The following SLC12A4 variants were observed in gnomAD, a reference collection of about 807,000 sequenced individuals.
SLC12A4 encodes solute carrier family 12 member 4, also known as electroneutral potassium-chloride cotransporter 1.
A neutral mutation model predicts 119.2 loss-of-function variants in SLC12A4; 84 were observed. The observed-to-expected ratio is 0.70, with a 90% CI of 0.59 to 0.85. SLC12A4 has a LOEUF of 0.85. Ranked by LOEUF, SLC12A4 falls within the 40% of genes least tolerant of loss-of-function variation. SLC12A4 has a pLI of 0.00. For synonymous variants in SLC12A4, 599 were observed against 604.6 expected, an observed-to-expected ratio of 0.99 and a Z score of 0.14; for missense variants, 1,298 against 1,476.3, an observed-to-expected ratio of 0.88 and a Z score of 1.98.
chr16:67,960,340 C>T (rs1453145411), intron 3 of SLC12A4, among the ~76,000 whole-genome samples: 6 of 152,210 alleles, frequency 3.9e-5, no homozygotes, highest in Admixed American at 6.5e-5. Context: ...CATGGCCAGA[C>T]GCAGTTAGGG....
intron 6 of SLC12A4, chr16:67,954,172 C>A: frequency 2.5e-6 from 1 of 399,294 alleles, no homozygotes; most frequent in Non-Finnish European, 5.0e-6. Context: ...TCCCATGGGG[C>A]TCGTGGAGGG....
At position 67,968,471 on chromosome 16, in the gene SLC12A4, T is replaced by A; in HGVS notation, c.83A>T (p.Tyr28Phe). 6.3e-7 allele frequency: 1 copy of A among 1,583,820 alleles called. No individual in the cohort carries two copies. The highest frequency in any genetic ancestry group is 2.4e-5 in the East Asian group (1 of 42,102). ...GTCATCCAGCTCGGCGCGCTCCCCG[T>A]AGTCCACCCAACTGAGCCCCTCGAG... Reference protein sequence around the residue: ...DNLEGLSWVDYGERAELDDSD... With the variant: ...DNLEGLSWVDFGERAELDDSD... Residue 28 changes from tyrosine (Y) to phenylalanine (F), a missense_variant, in exon 1 of 24, where the codon TAC (tyrosine) becomes TTC (phenylalanine). Transcript: ENST00000316341.
intron 5 of SLC12A4, 66 bp downstream of exon 5, chr16:67,957,676 C>T: frequency 6.3e-7 from 1 of 1,592,326 alleles, no homozygotes; most frequent in South Asian, 1.1e-5. Flanking sequence ...TGGGGGTTCC[C>T]AGGTAGGTCA....
rs2029913634 is a variant in SLC12A4 at position 67,951,680 on chromosome 16, C to A, written c.1132+143G>T. ...TCACTCCAAACTCGGCTGCCAGGAGCCAGGCTGGGAGGACACTGGGGGGCT... is the reference window on the plus strand; with the variant it reads ...TCACTCCAAACTCGGCTGCCAGGAGACAGGCTGGGAGGACACTGGGGGGCT... On this transcript the variant is annotated intron_variant, in intron 8 of 23. Transcript: ENST00000316341. This position sits in a 1 kb window ranked among gnomAD's most constrained non-coding sequence, Gnocchi z 5.2. 2 of 768,820 alleles carry A rather than the reference C, an allele frequency of 2.6e-6. No homozygotes were observed. Among genetic ancestry groups the A allele is most frequent in the Non-Finnish European group, 4.1e-6 (2 of 482,910 alleles). 47.6% of individuals were successfully genotyped at this position (768,820 alleles called of 1,614,324 possible). A position where few individuals can be genotyped will look rare whatever the true frequency, so the allele number is the denominator to read the frequency against.
chr16:67,957,209 G>A (rs1283866634), intron 5 of SLC12A4, among the ~76,000 whole-genome samples: 2 of 143,644 alleles, frequency 1.4e-5, no homozygotes, highest in Non-Finnish European at 3.0e-5. Context: ...TCGCTCTGTC[G>A]CCCAGGCTGG....
chr16:67,959,405 G>T (rs1048749747), intron 3 of SLC12A4, among the ~76,000 whole-genome samples: 1 of 152,200 alleles, frequency 6.6e-6, no homozygotes, highest in South Asian at 2.1e-4. Flanking sequence ...TGCCCGTGCT[G>T]CCCTGAAGCT....
intron 1 of SLC12A4, chr16:67,964,069 C>G: frequency 6.5e-7 from 1 of 1,541,316 alleles, no homozygotes; most frequent in Non-Finnish European, 8.8e-7. Flanking sequence ...ATGCACTGCG[C>G]GGGGGGCGTC....
chr16:67,966,145 C>T (rs1270621832), intron 1 of SLC12A4, among the ~76,000 whole-genome samples: 3 of 152,238 alleles, frequency 2.0e-5, no homozygotes, highest in Admixed American at 6.5e-5. Context: ...TTGGTTTCCT[C>T]TTCTATGAAG....
rs753316684 is a variant in SLC12A4, at chr16:67,957,815, G to A, written c.490-19C>T. ...GCAGGGTCTGTGGGAAGGAGGGCCTGGGTGAGCGGCTCAGCTGGGTGGGCT... is the reference window on the plus strand; with the variant it reads ...GCAGGGTCTGTGGGAAGGAGGGCCTAGGTGAGCGGCTCAGCTGGGTGGGCT... On this transcript the variant is annotated intron_variant, in intron 4 of 23. Transcript: ENST00000316341. 13 of 1,614,078 alleles carry A rather than the reference G, an allele frequency of 8.1e-6. No individual in the cohort carries two copies. Among genetic ancestry groups the A allele is most frequent in the East Asian group, 4.5e-5 (2 of 44,890 alleles).
In SLC12A4 at chr16:67,958,016, AC is replaced by A. The variant is rs758858395; in HGVS notation, c.370del (p.Val124CysfsTer18). The A allele has an allele frequency of 6.2e-7, 1 of 1,613,938 alleles. No individual in the cohort carries two copies. On this transcript the variant is annotated frameshift_variant, in exon 4 of 24. Transcript: ENST00000316341. LOFTEE classifies it high-confidence loss of function. ...GATATTCTGCAGGCAGGGCAGGTAC[AC>A]CCCCATGAGGGTGCCCATGCTGGGT... ...EAPSMGTLMG[V>X]YLPCLQNIFG...
intron 3 of SLC12A4, among the ~76,000 whole-genome samples, chr16:67,960,935 G>A (rs2030529227): frequency 6.6e-6 from 1 of 151,808 alleles, no homozygotes; most frequent in Admixed American, 6.6e-5. Context: ...GGTTGTTGGA[G>A]GCTTCTGCCA....
In SLC12A4 at chr16:67,945,139, C is replaced by T; in HGVS notation, c.3114G>A (p.Leu1038=). Residue 1038 remains leucine, a synonymous_variant, in exon 23 of 24, where the codon CTG becomes CTA. Transcript: ENST00000316341. The part of the protein sequence containing the change: ...VIVTRSHDAR[L]VLLNMPGPPR... ...GTGGGCCAGGCATGTTTAGGAGAAC[C>T]AGGCGGGCGTCGTGGGAGCGCGTGA... 1.2e-6 allele frequency: 2 copies of T among 1,600,312 alleles called. No individual in the cohort carries two copies. Among genetic ancestry groups the T allele is most frequent in the South Asian group, 2.2e-5 (2 of 89,274 alleles).
chr16:67,948,780 CACCACCCAAGA>C (rs2058380836), intron 13 of SLC12A4, among the ~76,000 whole-genome samples: 2 of 151,984 alleles, frequency 1.3e-5, no homozygotes, highest in Non-Finnish European at 2.9e-5. Context: ...CAAGGGGGGT[CACCACCCAAGA>C]TGGCTGTGGC....
At chr16:67,947,266 C>G (rs1251581369) in intron 16 of SLC12A4, 65 bp downstream of exon 16, 18 of 1,541,808 alleles carry the variant, frequency 1.2e-5, no homozygotes, top group Non-Finnish European at 1.5e-5. Flanking sequence ...ACCTCTCGAC[C>G]CTCTGACCCC....
chr16:67,951,196 G>A lies in SLC12A4; in HGVS notation c.1241C>T (p.Ala414Val). Residue 414 changes from alanine to valine, a missense_variant, in exon 9 of 24, where the codon GCT (alanine) becomes GTT (valine). Coordinates refer to ENST00000316341, the MANE Select transcript of SLC12A4 (RefSeq NM_005072.5). This position sits in a 1 kb window ranked among gnomAD's most constrained non-coding sequence, Gnocchi z 5.2. The stretch of plus-strand genomic sequence containing the variant: ...CACGGTGAAGGATGTGGCGATGTCA[G>A]CGACCACGTACAGAGGCAGGCTCTC... Reference protein sequence around the residue: ...LKESLPLYVVADIATSFTVLV... With the variant: ...LKESLPLYVVVDIATSFTVLV... 1 of 1,614,112 alleles carries A rather than the reference G, an allele frequency of 6.2e-7. No individual in the cohort carries two copies. The highest frequency in any genetic ancestry group is 1.1e-5 in the South Asian group (1 of 91,084).
rs576077469 is a variant in SLC12A4 at position 67,945,501 on chromosome 16, G to A, written c.2900C>T (p.Ser967Leu). The change falls in exon 22 of 24, where the codon TCG (serine) becomes TTG (leucine). Residue 967 changes from serine (S) to leucine (L), a missense_variant. Coordinates refer to ENST00000316341, the MANE Select transcript of SLC12A4 (RefSeq NM_005072.5). ...CACTGCAGACTCATCTTCCTCGTCC[G>A]AGTACAGGCTCTCCAGCCGCAGGGC... ...HSALRLESLY[S>L]DEEDESAVGA... 1.8e-5 allele frequency: 29 copies of A among 1,613,990 alleles called. No homozygotes were observed. Among genetic ancestry groups the A allele is most frequent in the African/African-American group, 1.2e-4 (9 of 75,048 alleles).
intron 6 of SLC12A4, among the ~76,000 whole-genome samples, chr16:67,953,759 C>T (rs1022368613): frequency 2.0e-5 from 3 of 152,062 alleles, no homozygotes; most frequent in African/African-American, 4.8e-5. Flanking sequence ...CAACCTGAAT[C>T]GTTAAATAGC....
Position 67,961,561 on chromosome 16 carries a change from C to T in SLC12A4, c.342+14G>A, listed in dbSNP as rs761450684. 6.2e-7 allele frequency: 1 copy of T among 1,611,460 alleles called. No homozygotes were observed. The highest frequency in any genetic ancestry group is 8.5e-7 in the Non-Finnish European group (1 of 1,179,812). On this transcript the variant is annotated intron_variant, in intron 3 of 23. Transcript: ENST00000316341. ...TTCCCAGGTGTGGCCCCTCTGCCGC[C>T]CCAACCAGCTCACCTCGGCTGCCCT...
In SLC12A4 at chr16:67,945,350, C is replaced by T; in HGVS notation, c.3032+19G>A. On this transcript the variant is annotated intron_variant, in intron 22 of 23. Transcript: ENST00000316341. ...CCCCTAGATTCCAGTGCCGCTGGGG[C>T]TGTTTTTGCTGCACTCACGGCTTAA... The T allele has an allele frequency of 6.2e-7, 1 of 1,605,444 alleles. No individual in the cohort carries two copies. Among genetic ancestry groups the T allele is most frequent in the Non-Finnish European group, 8.5e-7 (1 of 1,174,118 alleles).
Sources: allele counts gnomAD v4.1 joint callset (sites outside exome capture counted in the v4.1 genomes callset), GRCh38; gene constraint gnomAD v4.1.1; non-coding constraint Gnocchi (gnomAD v3.1); transcripts MANE v1.5; gene names NCBI Gene and HGNC (gene_info 2026-07-23, HGNC 2026-07-21).